ETV6: variants seen among roughly 807,000 people sequenced by gnomAD.
The protein encoded by ETV6 is ETS variant transcription factor 6, also known as transcription factor ETV6.
ETV6 carries 16 observed loss-of-function variants against 51.1 expected under a neutral mutation model. That is an observed-to-expected ratio of 0.31 (90% CI 0.21 to 0.48). The LOEUF (loss-of-function observed/expected upper bound fraction) is 0.48. Among genes scored for constraint, ETV6 ranks in the 20% least tolerant of loss-of-function variants. The probability of loss-of-function intolerance (pLI) is 0.99; values close to 1 mark genes in which losing one functional copy is unlikely to be tolerated. For missense variants in ETV6, 458 were observed against 594.8 expected (o/e 0.77, Z 2.39); for synonymous variants, 240 against 224.1 (o/e 1.07, Z -0.64).
intron 2 of ETV6, among the ~76,000 whole-genome samples, chr12:11,789,618 C>T (rs1054176992): frequency 3.9e-5 from 6 of 152,108 alleles, no homozygotes; most frequent in South Asian, 2.1e-4. Flanking sequence ...TGAGACCTTG[C>T]GTGTCTGAAG....
intron 2 of ETV6, among the ~76,000 whole-genome samples, chr12:11,832,841 A>G (rs1027805473): frequency 6.6e-6 from 1 of 152,250 alleles, no homozygotes; most frequent in Admixed American, 6.5e-5. Flanking sequence ...AAAGGAGTCA[A>G]TAACTTGATC....
chr12:11,770,676 T>C (rs1945230323), intron 2 of ETV6, among the ~76,000 whole-genome samples: 1 of 152,234 alleles, frequency 6.6e-6, no homozygotes, highest in Non-Finnish European at 1.5e-5. Context: ...CAGGGACCCA[T>C]GCACAAATGT....
intron 3 of ETV6, chr12:11,840,954 T>C (rs12304538): frequency 0.012 from 1,912 of 160,894 alleles, 37 homozygotes; most frequent in African/African-American, 0.044. Flanking sequence ...GGCAACGTTA[T>C]ATATCTGGAG....
chr12:11,819,935 C>T (rs1177169755), intron 2 of ETV6, among the ~76,000 whole-genome samples: 1 of 152,198 alleles, frequency 6.6e-6, no homozygotes, highest in African/African-American at 2.4e-5. Context: ...TTCAGTGACT[C>T]CTTGTAGCCT....
In ETV6 at chr12:11,827,367, G is replaced by C. The variant is rs536173651; in HGVS notation, c.164-11773G>C. On this transcript the variant is annotated intron_variant, in intron 2 of 7. Coordinates refer to ENST00000396373, the MANE Select transcript of ETV6 (RefSeq NM_001987.5). The stretch of plus-strand genomic sequence containing the variant: ...GCACTCTCCAAAGAGCCAGGGAAGA[G>C]GACAAGGAAGAAGGGGGTGCAGTGG... Among the ~76,000 whole-genome samples the C allele has an allele frequency of 2.5e-3, 381 of 152,210 alleles. 2 individuals are homozygous for C. The highest frequency in any genetic ancestry group is 8.4e-3 in the African/African-American group (347 of 41,516).
chr12:11,763,700 C>G (rs1427600155), intron 2 of ETV6, among the ~76,000 whole-genome samples: 1 of 152,218 alleles, frequency 6.6e-6, no homozygotes, highest in Non-Finnish European at 1.5e-5. Flanking sequence ...ATTATTCCTA[C>G]TACTGTGACG....
chr12:11,651,509 A>G (rs978490630), intron 1 of ETV6, among the ~76,000 whole-genome samples: 1 of 152,214 alleles, frequency 6.6e-6, no homozygotes, highest in Admixed American at 6.5e-5. Flanking sequence ...TTGCCTCACA[A>G]AAATGCCTAA....
chr12:11,734,780 T>A (rs957472375), intron 1 of ETV6, among the ~76,000 whole-genome samples: 4 of 137,808 alleles, frequency 2.9e-5, no homozygotes, highest in Admixed American at 1.4e-4. Context: ...AAGTAACTTC[T>A]ATGAAGTCAC....
chr12:11,763,368 A>C (rs1945119957), intron 2 of ETV6, among the ~76,000 whole-genome samples: 1 of 152,172 alleles, frequency 6.6e-6, no homozygotes, highest in African/African-American at 2.4e-5. Context: ...GGTTTTATTA[A>C]AGGTCTTTTA....
intron 4 of ETV6, among the ~76,000 whole-genome samples, chr12:11,860,513 CATAAG>C (rs1946700452): frequency 2.0e-5 from 3 of 149,874 alleles, no homozygotes; most frequent in Admixed American, 1.3e-4. Flanking sequence ...AAAGGGTTGA[CATAAG>C]AAAGAAATGA....
At chr12:11,736,148 C>T (rs113484312) in intron 1 of ETV6, among the ~76,000 whole-genome samples, 14 of 152,232 alleles carry the variant, frequency 9.2e-5, no homozygotes, top group African/African-American at 3.4e-4. Context: ...CACTCATTTC[C>T]ATATTCTCAG....
intron 1 of ETV6, among the ~76,000 whole-genome samples, chr12:11,726,495 G>A (rs1181597736): frequency 6.6e-6 from 1 of 152,154 alleles, no homozygotes; most frequent in Non-Finnish European, 1.5e-5. Context: ...TAAAAGTACA[G>A]GGCTGAGCAC....
At chr12:11,827,411 G>T (rs1381601254) in intron 2 of ETV6, among the ~76,000 whole-genome samples, 1 of 152,150 alleles carries the variant, frequency 6.6e-6, no homozygotes, top group Non-Finnish European at 1.5e-5. Flanking sequence ...TTAAAAAACA[G>T]CATGTTCTAG....
intron 1 of ETV6, among the ~76,000 whole-genome samples, chr12:11,725,394 A>G (rs1195336505): frequency 6.6e-6 from 1 of 152,180 alleles, no homozygotes; most frequent in Non-Finnish European, 1.5e-5. Flanking sequence ...ATTTTGTAAC[A>G]GACCAGGTTG....
chr12:11,815,007 A>C (rs1481500923), intron 2 of ETV6, among the ~76,000 whole-genome samples: 1 of 152,194 alleles, frequency 6.6e-6, no homozygotes, highest in East Asian at 1.9e-4. Flanking sequence ...AAGGAGAAGG[A>C]AACAGAGGCC....
intron 1 of ETV6, among the ~76,000 whole-genome samples, chr12:11,708,521 C>T (rs748594519): frequency 7.9e-5 from 12 of 152,208 alleles, no homozygotes; most frequent in Non-Finnish European, 1.8e-4. Context: ...CTGGACATCA[C>T]AGACGGCCCA....
At chr12:11,690,114 C>A (rs763779446) in intron 1 of ETV6, among the ~76,000 whole-genome samples, 2 of 151,794 alleles carry the variant, frequency 1.3e-5, no homozygotes, top group Admixed American at 6.6e-5. Context: ...GAGCTCAAGT[C>A]CCCACTGCAG....
chr12:11,895,255 A>G lies in ETV6; in HGVS notation c.*4209A>G, dbSNP rs1374565481. 4.3e-6 allele frequency: 1 copy of G among 232,112 alleles called. No homozygotes were observed. Among genetic ancestry groups the G allele is most frequent in the Non-Finnish European group, 8.5e-6 (1 of 117,324 alleles). 14.4% of individuals were successfully genotyped at this position (232,112 alleles called of 1,614,324 possible). A position where few individuals can be genotyped will look rare whatever the true frequency, so the allele number is the denominator to read the frequency against. ...CTCTTGTTTATGAGGTGTGGGGTTT[A>G]TAAGGGACTGAATCAAATGAATGTA... On this transcript the variant is annotated 3_prime_UTR_variant, in exon 8 of 8. Transcript: ENST00000396373.
At chr12:11,851,688 T>C (rs551282047) in intron 3 of ETV6, among the ~76,000 whole-genome samples, 1 of 152,314 alleles carries the variant, frequency 6.6e-6, no homozygotes, top group Non-Finnish European at 1.5e-5. Flanking sequence ...CTTTGAGGTA[T>C]TTTGCTTTAT....
Sources: allele counts gnomAD v4.1 joint callset (sites outside exome capture counted in the v4.1 genomes callset), GRCh38; gene constraint gnomAD v4.1.1; transcripts MANE v1.5; gene names NCBI Gene and HGNC (gene_info 2026-07-23, HGNC 2026-07-21).